The following USP29 variants were observed in gnomAD, a reference collection of about 807,000 sequenced individuals.
The protein encoded by USP29 is ubiquitin carboxyl-terminal hydrolase 29.
For synonymous variants in USP29, 386 were observed against 387.4 expected, an observed-to-expected ratio of 1.00 and a Z score of 0.04; for missense variants, 1,102 against 1,069.0, an observed-to-expected ratio of 1.03 and a Z score of -0.43.
Position 57,131,622 on chromosome 19 carries a change from A to G in USP29, c.*178A>G, listed in dbSNP as rs1599919748. On this transcript the variant is annotated 3_prime_UTR_variant, in exon 4 of 4. Coordinates refer to ENST00000254181, the MANE Select transcript of USP29 (RefSeq NM_020903.3). ...ACTGCTTCAGACACCTAGATCCCAG[A>G]ACTCAGGCGCATATGCATATTTTCC... The G allele has an allele frequency of 1.0e-6, 1 of 991,120 alleles. No homozygotes were observed. The highest frequency in any genetic ancestry group is 1.6e-5 in the African/African-American group (1 of 61,498). The allele number at this position is 991,120 out of a possible 1,614,324, so 61.4% of individuals were successfully genotyped here. A position where few individuals can be genotyped will look rare whatever the true frequency, so the allele number is the denominator to read the frequency against.
chr19:57,123,615 T>C (rs2086808879), intron 2 of USP29, among the ~76,000 whole-genome samples: 1 of 152,142 alleles, frequency 6.6e-6, no homozygotes, highest in African/African-American at 2.4e-5. Flanking sequence ...ATGCATCCTC[T>C]CTGTAGTGCC....
chr19:57,131,422 A>C lies in USP29; in HGVS notation c.2747A>C (p.Asp916Ala). The stretch of plus-strand genomic sequence containing the variant: ...ATCCCTCAGGGGGAATACGAAGGTG[A>C]CTCTTTGTACAGACCTGCTTGACAG... ...GVIPQGEYEG[D>A]SLYRPA The change falls in exon 4 of 4, where the codon GAC becomes GCC. Residue 916 changes from aspartate (D) to alanine (A), a missense_variant. Physicochemically the swap from Asp to Ala is moderately radical, Grantham distance 126. Transcript: ENST00000254181. 6.2e-7 allele frequency: 1 copy of C among 1,612,194 alleles called. No individual in the cohort carries two copies. The highest frequency in any genetic ancestry group is 8.5e-7 in the Non-Finnish European group (1 of 1,179,242).
In USP29 at chr19:57,131,398, T is replaced by G; in HGVS notation, c.2723T>G (p.Ile908Ser). 6.2e-7 allele frequency: 1 copy of G among 1,614,000 alleles called. No individual in the cohort carries two copies. ...SRLPSTQAGV[I>S]PQGEYEGDSL... ...CTACCTAGCACACAGGCAGGGGTGA[T>G]CCCTCAGGGGGAATACGAAGGTGAC... is the stretch of plus-strand genomic sequence containing the variant. The change falls in exon 4 of 4, where the codon ATC (isoleucine) becomes AGC (serine). Residue 908 changes from isoleucine to serine, a missense_variant. Transcript: ENST00000254181.
At position 57,121,843 on chromosome 19, in the gene USP29, G is replaced by T. The variant is rs181522441; in HGVS notation, c.-267-482G>T. 1.7e-3 allele frequency among the ~76,000 whole-genome samples: 254 copies of T among 151,810 alleles called. 1 individual carries two copies. Among genetic ancestry groups the T allele is most frequent in the African/African-American group, 5.8e-3 (240 of 41,456 alleles). ...AGGGACTTGAACATGTCTGGGCATGGTGGCTCAAGCCTGTAATCCCAGCAC... is the reference window on the plus strand; with the variant it reads ...AGGGACTTGAACATGTCTGGGCATGTTGGCTCAAGCCTGTAATCCCAGCAC... On this transcript the variant is annotated intron_variant, in intron 1 of 3. Coordinates refer to ENST00000254181, the MANE Select transcript of USP29 (RefSeq NM_020903.3).
Position 57,128,715 on chromosome 19 carries a change from A to G in USP29, c.40A>G (p.Ser14Gly), listed in dbSNP as rs1301861572. ...LKVCGFIQIW[S>G]QKTGMTKLKE... ...GGTATGTGGATTCATCCAAATTTGG[A>G]GCCAGAAGACTGGGATGACTAAGCT... The change falls in exon 4 of 4, where the codon AGC becomes GGC. Residue 14 changes from serine (S) to glycine (G), a missense_variant. Coordinates refer to ENST00000254181, the MANE Select transcript of USP29 (RefSeq NM_020903.3). 6.2e-7 allele frequency: 1 copy of G among 1,604,668 alleles called. No homozygotes were observed. Among genetic ancestry groups the G allele is most frequent in the Non-Finnish European group, 8.5e-7 (1 of 1,177,428 alleles).
Position 57,130,938 on chromosome 19 carries a change from G to T in USP29, c.2263G>T (p.Val755Phe). 1.9e-6 allele frequency: 3 copies of T among 1,614,182 alleles called. No homozygotes were observed. The highest frequency in any genetic ancestry group is 2.5e-6 in the Non-Finnish European group (3 of 1,180,036). ...EFLQQAPPPG[V>F]RKLDAQEHTE... ...TCTTCAGCAGGCACCACCTCCAGGT[G>T]TTAGGAAGCTGGATGCCCAGGAACA... The change falls in exon 4 of 4, where the codon GTT (valine) becomes TTT (phenylalanine). Residue 755 changes from valine to phenylalanine, a missense_variant. Val to Phe is a conservative substitution (Grantham distance 50). Coordinates refer to ENST00000254181, the MANE Select transcript of USP29 (RefSeq NM_020903.3).
intron 3 of USP29, 25 bp from the exon 4 acceptor site, chr19:57,128,635 A>G: frequency 6.6e-7 from 1 of 1,518,028 alleles, no homozygotes; most frequent in Non-Finnish European, 8.8e-7. Flanking sequence ...CTTGGTTAAA[A>G]TGCATGTGTG....
At position 57,131,369 on chromosome 19, in the gene USP29, TC is replaced by T; in HGVS notation, c.2695del (p.Arg899GlyfsTer9). On this transcript the variant is annotated frameshift_variant, in exon 4 of 4. Coordinates refer to ENST00000254181, the MANE Select transcript of USP29 (RefSeq NM_020903.3). LOFTEE classifies it low-confidence loss of function (END_TRUNC). ...AGCTGTTAAGAAAAGCAGAGAACTCTCGGCTACCTAGCACACAGGCAGGGGT... is the reference window on the plus strand; with the variant it reads ...AGCTGTTAAGAAAAGCAGAGAACTCTGGCTACCTAGCACACAGGCAGGGGT... ...EELLRKAENS[R>X]LPSTQAGVIP... is the part of the protein sequence containing the mutation. 1.2e-6 allele frequency: 2 copies of T among 1,614,134 alleles called. No homozygotes were observed. The highest frequency in any genetic ancestry group is 2.2e-5 in the South Asian group (2 of 91,082).
At chr19:57,119,535 G>T (rs1395186155), upstream of USP29, among the ~76,000 whole-genome samples, 10 of 152,160 alleles carry the variant, frequency 6.6e-5, no homozygotes, top group Non-Finnish European at 8.8e-5. Flanking sequence ...CGATTCTCCT[G>T]CCTCAGCCTC....
intron 1 of USP29, among the ~76,000 whole-genome samples, chr19:57,121,360 CTTATG>C (rs1181181306): frequency 9.5e-5 from 13 of 137,026 alleles, no homozygotes; most frequent in Middle Eastern, 8.9e-3. Context: ...GTTATATCTA[CTTATG>C]TTATATACTT....
intron 3 of USP29, 40 bp downstream of exon 3, chr19:57,124,179 G>A (rs2086811281): frequency 6.6e-6 from 1 of 152,130 alleles, no homozygotes; most frequent in Middle Eastern, 3.2e-3. Flanking sequence ...GGTTTCATTG[G>A]GATTTCACTG....
chr19:57,130,354 G>A lies in USP29; in HGVS notation c.1679G>A (p.Cys560Tyr), dbSNP rs747118697. The change falls in exon 4 of 4, where the codon TGT becomes TAT. Residue 560 changes from cysteine (C) to tyrosine (Y), a missense_variant. By Grantham distance (194) the Cys-to-Tyr change is radical. Coordinates refer to ENST00000254181, the MANE Select transcript of USP29 (RefSeq NM_020903.3). ...PLSSSAPVGK[C>Y]EVLEVSQEMI... ...AGCAGTAGTGCACCTGTTGGGAAAT[G>A]TGAAGTCCTGGAAGTCTCTCAGGAG... 10 of 1,614,048 alleles carry A rather than the reference G, an allele frequency of 6.2e-6. No homozygotes were observed. The East Asian group carries it at 2.0e-4, about 32-fold the overall frequency.
chr19:57,131,016 C>A lies in USP29; in HGVS notation c.2341C>A (p.Leu781Met). The A allele has an allele frequency of 6.2e-7, 1 of 1,614,130 alleles. No individual in the cohort carries two copies. Among genetic ancestry groups the A allele is most frequent in the Non-Finnish European group, 8.5e-7 (1 of 1,180,024 alleles). The change falls in exon 4 of 4, where the codon CTG becomes ATG. Residue 781 changes from leucine to methionine, a missense_variant. Transcript: ENST00000254181. ...AGAATTAAGACTTCAAAAGGCTGAC[C>A]TGAATCACCTTGGGGCACTGGGTTC... Reference protein sequence around the residue: ...STELRLQKADLNHLGALGSDN... With the variant: ...STELRLQKADMNHLGALGSDN...
chr19:57,124,941 G>A (rs182651848), intron 3 of USP29, among the ~76,000 whole-genome samples: 91 of 152,242 alleles, frequency 6.0e-4, no homozygotes, highest in African/African-American at 2.0e-3. Flanking sequence ...TCCCATGATG[G>A]AGCCTTAATT....
upstream of USP29, among the ~76,000 whole-genome samples, chr19:57,119,570 C>T (rs1049605335): frequency 2.0e-5 from 3 of 152,082 alleles, no homozygotes; most frequent in African/African-American, 7.2e-5. Context: ...TTACAGGCGC[C>T]CACCACCATG....
intron 2 of USP29, 97 bp from the exon 3 acceptor site, chr19:57,123,942 T>A (rs1041021573): frequency 6.6e-6 from 1 of 152,228 alleles, no homozygotes; most frequent in African/African-American, 2.4e-5. Context: ...TTCTAAGATA[T>A]AATGCAATAA....
At chr19:57,119,889 C>T (rs2146947543), upstream of USP29, among the ~76,000 whole-genome samples, 3 of 152,324 alleles carry the variant, frequency 2.0e-5, no homozygotes, top group Middle Eastern at 6.8e-3. Context: ...AGGCCAGGAA[C>T]TCTATGTGCC....
Position 57,128,792 on chromosome 19 carries a change from G to A in USP29, c.117G>A (p.Val39=), listed in dbSNP as rs1334418245. The part of the protein sequence containing the change: ...TVQRQKEIKL[V]VTFKSGKFIR... ...AAAGACAAAAGGAAATTAAACTGGT[G>A]GTCACTTTCAAATCTGGAAAATTTA... Residue 39 remains valine, a synonymous_variant, in exon 4 of 4, where the codon GTG becomes GTA. Transcript: ENST00000254181. The A allele has an allele frequency of 1.9e-6, 3 of 1,613,950 alleles. No individual in the cohort carries two copies. The highest frequency in any genetic ancestry group is 2.5e-6 in the Non-Finnish European group (3 of 1,179,966).
chr19:57,119,866 C>T (rs1208967871), upstream of USP29, among the ~76,000 whole-genome samples: 4 of 152,208 alleles, frequency 2.6e-5, no homozygotes, highest in Non-Finnish European at 5.9e-5. Context: ...TGCCGTTACG[C>T]CCCACCAGCT....
Sources: allele counts gnomAD v4.1 joint callset (sites outside exome capture counted in the v4.1 genomes callset), GRCh38; gene constraint gnomAD v4.1.1; transcripts MANE v1.5; gene names NCBI Gene and HGNC (gene_info 2026-07-23, HGNC 2026-07-21).